HEATR4: variants seen among roughly 807,000 people sequenced by gnomAD.
HEATR4 encodes the protein HEAT repeat containing 4.
HEATR4 carries 95 observed loss-of-function variants against 108.8 expected under a neutral mutation model. The ratio of observed to expected loss-of-function variants is 0.87; its 90% CI spans 0.74 to 1.04. The LOEUF is 1.04. Among genes scored for constraint, HEATR4 ranks in the 50% least tolerant of loss-of-function variants. The pLI is 0.00. For missense variants in HEATR4, 1,152 were observed against 1,253.8 expected (o/e 0.92, Z 1.23); for synonymous variants, 443 against 459.4 (o/e 0.96, Z 0.46).
At chr14:73,508,036 GC>G in intron 9 of HEATR4, 97 bp downstream of exon 9, 1 of 1,178,576 alleles carries the variant, frequency 8.5e-7, no homozygotes, top group Non-Finnish European at 1.2e-6. Context: ...ATAAGCCACT[GC>G]CCCGGCCCCA....
chr14:73,564,917 G>GT, the HEATR4 span, among the ~76,000 whole-genome samples: 1 of 151,434 alleles, frequency 6.6e-6, no homozygotes, highest in Middle Eastern at 3.4e-3. Context: ...TAATATCTTG[G>GT]TAAAAAATAT....
rs759510877 is a variant in HEATR4, at chr14:73,519,100, T to C, written c.1133A>G (p.Asn378Ser). ...KRDQIVLENL[N>S]RYNKQLSKVF... ...CTTAGATAGCTGCTTGTTGTACCGA[T>C]TTAGGTTTTCCAGGACAATCTGGTC... The change falls in exon 5 of 18, where the codon AAT becomes AGT. Residue 378 changes from asparagine to serine, a missense_variant. Coordinates refer to ENST00000553558, the MANE Select transcript of HEATR4 (RefSeq NM_001220484.1). 6.2e-7 allele frequency: 1 copy of C among 1,614,066 alleles called. No homozygotes were observed. Among genetic ancestry groups the C allele is most frequent in the East Asian group, 2.2e-5 (1 of 44,872 alleles).
the HEATR4 span, among the ~76,000 whole-genome samples, chr14:73,628,370 A>G: frequency 6.6e-6 from 1 of 152,098 alleles, no homozygotes; most frequent in South Asian, 2.1e-4. Context: ...TCTTGAACTC[A>G]GCCTCAAGCA....
chr14:73,629,304 T>A, the HEATR4 span, among the ~76,000 whole-genome samples: 1 of 152,240 alleles, frequency 6.6e-6, no homozygotes, highest in African/African-American at 2.4e-5. Context: ...ACCTTTTATA[T>A]GCACTGGGAA....
rs1472297990 is a variant in HEATR4, at chr14:73,554,556, G to C, written c.-152+4195C>G. Among the ~76,000 whole-genome samples the C allele has an allele frequency of 5.2e-5, 6 of 114,936 alleles. 2 individuals are homozygous for C. The highest frequency in any genetic ancestry group is 1.7e-4 in the African/African-American group (6 of 35,690). 75.4% of individuals were successfully genotyped at this position (114,936 alleles called of 152,430 possible). A position where few individuals can be genotyped will look rare whatever the true frequency, so the allele number is the denominator to read the frequency against. On this transcript the variant is annotated intron_variant, in intron 1 of 17. Coordinates refer to ENST00000553558, the MANE Select transcript of HEATR4 (RefSeq NM_001220484.1). ...CATTTTAGGGGCATGGTTAATACCT[G>C]AGATTTTTACTCAGTAAATCCTGAT...
At chr14:73,604,417 G>T in the HEATR4 span, among the ~76,000 whole-genome samples, 4 of 151,406 alleles carry the variant, frequency 2.6e-5, no homozygotes, top group Non-Finnish European at 5.9e-5. Flanking sequence ...CACCCACCTC[G>T]GCCTCTGAAA....
At chr14:73,569,281 T>G in the HEATR4 span, 1 of 1,613,924 alleles carries the variant, frequency 6.2e-7, no homozygotes, top group East Asian at 2.2e-5. Flanking sequence ...CATTCAGTTG[T>G]TCTCAGGTCT....
upstream of HEATR4, among the ~76,000 whole-genome samples, chr14:73,560,946 A>G (rs11849092): frequency 0.01 from 1,593 of 152,154 alleles, 27 homozygotes; most frequent in African/African-American, 0.037. Flanking sequence ...ATATTTGTAT[A>G]CCCATGTTCA....
At chr14:73,572,618 T>G in the HEATR4 span, among the ~76,000 whole-genome samples, 1 of 127,220 alleles carries the variant, frequency 7.9e-6, no homozygotes, top group South Asian at 2.8e-4. Flanking sequence ...GTCTTAAAAG[T>G]GTTGCCTGTA....
At chr14:73,504,040 C>T (rs1362155269) in intron 10 of HEATR4, among the ~76,000 whole-genome samples, 1 of 150,222 alleles carries the variant, frequency 6.7e-6, no homozygotes, top group Non-Finnish European at 1.5e-5. Context: ...GATGCAGATT[C>T]TGATTGAGCT....
At chr14:73,633,252 G>A in the HEATR4 span, among the ~76,000 whole-genome samples, 1 of 152,072 alleles carries the variant, frequency 6.6e-6, no homozygotes, top group African/African-American at 2.4e-5. Flanking sequence ...TGATCCATCC[G>A]CTTCGGCCTC....
chr14:73,629,645 T>C, the HEATR4 span, among the ~76,000 whole-genome samples: 1 of 148,070 alleles, frequency 6.8e-6, no homozygotes, highest in Non-Finnish European at 1.5e-5. Flanking sequence ...GTGGAAAGTT[T>C]AGATTTTTTT....
intron 17 of HEATR4, among the ~76,000 whole-genome samples, chr14:73,480,169 C>T (rs532625806): frequency 2.0e-5 from 3 of 152,104 alleles, no homozygotes; most frequent in Non-Finnish European, 4.4e-5. Flanking sequence ...TGGCTGGGCA[C>T]GGTGGCTCAC....
the HEATR4 span, among the ~76,000 whole-genome samples, chr14:73,566,273 C>T: frequency 1.9e-4 from 29 of 152,210 alleles, no homozygotes; most frequent in South Asian, 5.8e-3. Flanking sequence ...TGGCTTCACC[C>T]AGTGGATCGT....
At chr14:73,619,603 G>A in the HEATR4 span, 4 of 1,614,194 alleles carry the variant, frequency 2.5e-6, no homozygotes, top group South Asian at 1.1e-5. Flanking sequence ...AAGGCTACAA[G>A]CTCATGGGAA....
chr14:73,619,934 T>A, the HEATR4 span: 22 of 1,291,468 alleles, frequency 1.7e-5, no homozygotes, highest in East Asian at 1.2e-4. Flanking sequence ...TTTTTTTTTT[T>A]CCTGTATCAC....
the HEATR4 span, among the ~76,000 whole-genome samples, chr14:73,602,286 G>A: frequency 6.6e-6 from 1 of 152,162 alleles, no homozygotes; most frequent in Admixed American, 6.6e-5. Context: ...AAGGGATCAT[G>A]ACCAACCTAG....
the HEATR4 span, among the ~76,000 whole-genome samples, chr14:73,628,640 C>G: frequency 1.3e-5 from 2 of 152,074 alleles, no homozygotes; most frequent in African/African-American, 4.8e-5. Context: ...GTAATCCCAC[C>G]TACTTGGGAG....
chr14:73,627,839 G>A, the HEATR4 span, among the ~76,000 whole-genome samples: 1 of 151,014 alleles, frequency 6.6e-6, no homozygotes, highest in Non-Finnish European at 1.5e-5. Context: ...TTTTTGAGAC[G>A]GAATCTTACT....
Sources: gnomAD v4.1 joint callset for allele counts (sites outside exome capture counted in the v4.1 genomes callset) on GRCh38, gnomAD v4.1.1 for gene constraint, MANE v1.5 for transcripts, NCBI Gene and HGNC (gene_info 2026-07-23, HGNC 2026-07-21) for gene names.